TRPC4AP: variants seen among roughly 807,000 people sequenced by gnomAD.
TRPC4AP encodes the protein short transient receptor potential channel 4-associated protein.
Under a neutral mutation model 99.0 loss-of-function variants are expected in TRPC4AP, and 45 were observed. The observed-to-expected ratio is 0.45, with a 90% CI of 0.36 to 0.58. The LOEUF (loss-of-function observed/expected upper bound fraction) is 0.58, where lower values mean the gene tolerates loss of function less well. Among genes scored for constraint, TRPC4AP ranks in the 20% least tolerant of loss-of-function variants. The pLI, the probability that TRPC4AP is intolerant of heterozygous loss-of-function variation, is 0.00. For missense variants in TRPC4AP, 879 were observed against 985.3 expected (o/e 0.89, Z 1.44); for synonymous variants, 408 against 385.8 (o/e 1.06, Z -0.67).
chr20:35,078,201 A>G (rs1326298164), intron 1 of TRPC4AP, 27 bp from the exon 2 acceptor site: 9 of 1,605,256 alleles, frequency 5.6e-6, no homozygotes, highest in Non-Finnish European at 7.7e-6. Flanking sequence ...GAGAGAACAT[A>G]TTATTGTATT....
chr20:35,079,219 C>G (rs2084561758), intron 1 of TRPC4AP, among the ~76,000 whole-genome samples: 1 of 152,108 alleles, frequency 6.6e-6, no homozygotes, highest in Non-Finnish European at 1.5e-5. Flanking sequence ...TCCAAGAAGA[C>G]ATAACAATCC....
intron 4 of TRPC4AP, among the ~76,000 whole-genome samples, chr20:35,056,880 A>G (rs2083841637): frequency 6.7e-6 from 1 of 150,062 alleles, no homozygotes; most frequent in Admixed American, 6.7e-5. Flanking sequence ...CAGCTACTTG[A>G]GAGGGTGAGG....
chr20:35,031,862 T>C (rs746746447), intron 8 of TRPC4AP, among the ~76,000 whole-genome samples: 25 of 152,184 alleles, frequency 1.6e-4, no homozygotes, highest in Non-Finnish European at 3.5e-4. Context: ...GTCTTTCTAG[T>C]GATTTTTTCA....
At chr20:35,075,085 C>CT (rs201902537) in intron 2 of TRPC4AP, among the ~76,000 whole-genome samples, 58,687 of 148,828 alleles carry the variant, frequency 0.39, 12,389 homozygotes, top group East Asian at 0.58. Flanking sequence ...GCAACCCCTG[C>CT]TTTTTTTTTT....
At chr20:35,057,120 C>T (rs1466254128) in intron 4 of TRPC4AP, among the ~76,000 whole-genome samples, 1 of 152,024 alleles carries the variant, frequency 6.6e-6, no homozygotes, top group Non-Finnish European at 1.5e-5. Flanking sequence ...TGACTTTTTA[C>T]CATTCACACC....
chr20:35,068,469 T>C lies in TRPC4AP; in HGVS notation c.414+827A>G, dbSNP rs114045370. Among the ~76,000 whole-genome samples, 668 of 152,342 alleles carry C rather than the reference T, an allele frequency of 4.4e-3. 3 individuals are homozygous for C. The highest frequency in any genetic ancestry group is 0.015 in the African/African-American group (641 of 41,592). ...TAAGAGAAATGGTGTGGAAAAATTA[T>C]AAATGCCAGTCAACTGGGGCCTGGG... is the stretch of plus-strand genomic sequence containing the variant. On this transcript the variant is annotated intron_variant, in intron 3 of 18. Transcript: ENST00000252015.
chr20:35,086,449 G>A (rs918939007), intron 1 of TRPC4AP, among the ~76,000 whole-genome samples: 25 of 114,280 alleles, frequency 2.2e-4, no homozygotes, highest in South Asian at 6.4e-4. Context: ...GTGTGTGTGT[G>A]TGTGTGTGTG....
chr20:35,004,088 A>G (rs1255011899), intron 17 of TRPC4AP, among the ~76,000 whole-genome samples: 2 of 152,008 alleles, frequency 1.3e-5, no homozygotes, highest in African/African-American at 4.8e-5. Context: ...GATCACCCTC[A>G]CTCTAGAAAA....
In TRPC4AP at chr20:35,006,569, G is replaced by A. The variant is rs761010298; in HGVS notation, c.1693C>T (p.Leu565Phe). The change falls in exon 15 of 19, where the codon CTT (leucine) becomes TTT (phenylalanine). Residue 565 changes from leucine to phenylalanine, a missense_variant. Physicochemically the swap from Leu to Phe is conservative, Grantham distance 22. This residue lies in a region of TRPC4AP where 52 missense variants were observed against 88.7 expected (regional missense o/e 0.59). Transcript: ENST00000252015. ...LLKRGLLEHI[L>F]YCIVDSECKS... ...CACTCGCTGTCCACAATGCAGTAAA[G>A]GATGTGCTGGGTGAGGAGGGACAGG... The A allele has an allele frequency of 6.2e-7, 1 of 1,613,808 alleles. No individual in the cohort carries two copies.
intron 8 of TRPC4AP, among the ~76,000 whole-genome samples, chr20:35,025,622 G>A (rs2083010908): frequency 6.6e-6 from 1 of 151,900 alleles, no homozygotes; most frequent in African/African-American, 2.4e-5. Flanking sequence ...TTATTGTTAT[G>A]AGAGTTCTTT....
At chr20:35,066,933 A>G (rs1165482123) in intron 3 of TRPC4AP, among the ~76,000 whole-genome samples, 3 of 152,214 alleles carry the variant, frequency 2.0e-5, no homozygotes, top group Non-Finnish European at 4.4e-5. Flanking sequence ...ACTACTTATA[A>G]ACACAAGAAA....
At chr20:35,092,577 TCCGCC>T (rs891217624) in intron 1 of TRPC4AP, 32 bp downstream of exon 1, 29 of 1,425,218 alleles carry the variant, frequency 2.0e-5, no homozygotes, top group African/African-American at 1.2e-4. Flanking sequence ...TCCCGCCTGG[TCCGCC>T]CCGCCCCGCC....
At chr20:35,065,197 A>G (rs1186191753) in intron 3 of TRPC4AP, among the ~76,000 whole-genome samples, 1 of 152,220 alleles carries the variant, frequency 6.6e-6, no homozygotes, top group East Asian at 1.9e-4. Context: ...GCCCACAATT[A>G]CTGAAAAGCT....
chr20:35,038,593 A>G (rs2083376871), intron 7 of TRPC4AP, among the ~76,000 whole-genome samples: 1 of 71,262 alleles, frequency 1.4e-5, no homozygotes. Context: ...CCATCTGTAC[A>G]AACAGGAGTC....
intron 3 of TRPC4AP, among the ~76,000 whole-genome samples, chr20:35,062,365 T>C (rs1483461789): frequency 6.6e-6 from 1 of 152,230 alleles, no homozygotes; most frequent in African/African-American, 2.4e-5. Flanking sequence ...TATATGCCAA[T>C]GTTCATGGCA....
intron 1 of TRPC4AP, among the ~76,000 whole-genome samples, chr20:35,091,811 A>G (rs2085075234): frequency 6.6e-6 from 1 of 152,092 alleles, no homozygotes; most frequent in Non-Finnish European, 1.5e-5. Flanking sequence ...AATGCTTTAC[A>G]CAATTGCCCC....
rs1600592798 is a variant in TRPC4AP at position 35,049,965 on chromosome 20, T to A, written c.558A>T (p.Glu186Asp). 1 of 1,614,126 alleles carries A rather than the reference T, an allele frequency of 6.2e-7. No homozygotes were observed. The highest frequency in any genetic ancestry group is 1.3e-5 in the African/African-American group (1 of 75,060). Residue 186 changes from glutamate (E) to aspartate (D), a missense_variant, in exon 6 of 19, where the codon GAA becomes GAT. Glu to Asp is a conservative substitution (Grantham distance 45, BLOSUM62 2). Around this residue, in one of 3 missense-constraint regions of TRPC4AP, gnomAD observed 603 missense variants for 631.8 expected, o/e 0.95. Coordinates refer to ENST00000252015, the MANE Select transcript of TRPC4AP (RefSeq NM_015638.3). Reference protein sequence around the residue: ...CTEGVTKRLAEKNDFVIFLFT... With the variant: ...CTEGVTKRLADKNDFVIFLFT... ...ACAGGAAGATCACAAAGTCATTCTT[T>A]TCTGCCAAACGCTTTGTAACTCCCT...
chr20:35,076,666 C>T (rs981487344), intron 2 of TRPC4AP, among the ~76,000 whole-genome samples: 11 of 152,280 alleles, frequency 7.2e-5, no homozygotes, highest in African/African-American at 2.6e-4. Context: ...AGGTGTCAGT[C>T]GGCCCCTACT....
chr20:35,050,569 T>C (rs1051583901), intron 5 of TRPC4AP, among the ~76,000 whole-genome samples: 1 of 151,824 alleles, frequency 6.6e-6, no homozygotes, highest in African/African-American at 2.4e-5. Flanking sequence ...AAATATTAGC[T>C]GGGTGTGGTG....
Sources: gnomAD v4.1 joint callset for allele counts (sites outside exome capture counted in the v4.1 genomes callset) on GRCh38, gnomAD v4.1.1 for gene constraint, gnomAD v4.1.1 regional missense constraint, MANE v1.5 for transcripts, NCBI Gene and HGNC (gene_info 2026-07-23, HGNC 2026-07-21) for gene names.